CFB: variants seen among roughly 807,000 people sequenced by gnomAD.
CFB encodes the protein complement factor B, also known as B-factor, properdin.
A neutral mutation model predicts 97.2 loss-of-function variants in CFB; 59 were observed. The ratio of observed to expected loss-of-function variants is 0.61; its 90% CI spans 0.49 to 0.75. The LOEUF is 0.75. CFB is among the 30% of genes least tolerant of loss of function. The probability of loss-of-function intolerance (pLI) is 0.00; values close to 1 mark genes in which losing one functional copy is unlikely to be tolerated. For synonymous variants in CFB, 316 were observed against 351.7 expected (o/e 0.90, Z 1.14); for missense variants, 771 against 959.8 (o/e 0.80, Z 2.60).
At position 31,947,984 on chromosome 6, in the gene CFB, G is replaced by C; in HGVS notation, c.800G>C (p.Gly267Ala). ...CGGAAGATCGTCCTGGACCCTTCAG[G>C]CTCCATGAACATCTACCTGGTGCTA... ...QKRKIVLDPS[G>A]SMNIYLVLDG... is the part of the protein sequence containing the mutation. Residue 267 changes from glycine (G) to alanine (A), a missense_variant, in exon 6 of 18, where the codon GGC becomes GCC. Transcript: ENST00000425368. The surrounding 1 kb of genome is among the most constrained non-coding windows in gnomAD (Gnocchi z 5.3). 6.2e-7 allele frequency: 1 copy of C among 1,614,142 alleles called. No homozygotes were observed. Among genetic ancestry groups the C allele is most frequent in the Non-Finnish European group, 8.5e-7 (1 of 1,180,030 alleles).
Position 31,947,244 on chromosome 6 carries a change from C to A in CFB, c.484+52C>A. ...TGCTGTCTCCCTGACGGCGCCCAGC[C>A]CGAGGAGTGGGCACTCGGCTCCGGA... is the stretch of plus-strand genomic sequence containing the variant. On this transcript the variant is annotated intron_variant, in intron 3 of 17. Coordinates refer to ENST00000425368, the MANE Select transcript of CFB (RefSeq NM_001710.6). The surrounding 1 kb of genome is among the most constrained non-coding windows in gnomAD (Gnocchi z 5.3). The A allele has an allele frequency of 1.9e-6, 3 of 1,611,436 alleles. No homozygotes were observed. Among genetic ancestry groups the A allele is most frequent in the Non-Finnish European group, 1.7e-6 (2 of 1,179,636 alleles).
chr6:31,947,412 T>G lies in CFB; in HGVS notation c.549T>G (p.Leu183=). ...GGAAGGTGGGCAGCCAGTACCGCCT[T>G]GAAGACAGCGTCACCTACCACTGCA... The part of the protein sequence containing the change: ...GTRKVGSQYR[L]EDSVTYHCSR... The change falls in exon 4 of 18, where the codon CTT becomes CTG. Residue 183 remains leucine (L), a synonymous_variant. Coordinates refer to ENST00000425368, the MANE Select transcript of CFB (RefSeq NM_001710.6). This position sits in a 1 kb window ranked among gnomAD's most constrained non-coding sequence, Gnocchi z 5.3. The G allele has an allele frequency of 3.1e-6, 5 of 1,613,014 alleles. No homozygotes were observed. The highest frequency in any genetic ancestry group is 4.2e-6 in the Non-Finnish European group (5 of 1,180,018).
Position 31,947,304 on chromosome 6 carries a change from G to C in CFB, c.485-44G>C. ...TCTTGCTCTCTACCTTGCTCACGGGGCCTCAGGCTTCAGTGCTTACCTCGA... is the reference window on the plus strand; with the variant it reads ...TCTTGCTCTCTACCTTGCTCACGGGCCCTCAGGCTTCAGTGCTTACCTCGA... On this transcript the variant is annotated intron_variant, in intron 3 of 17. Coordinates refer to ENST00000425368, the MANE Select transcript of CFB (RefSeq NM_001710.6). The surrounding 1 kb of genome is among the most constrained non-coding windows in gnomAD (Gnocchi z 5.3). The C allele has an allele frequency of 6.2e-7, 1 of 1,612,356 alleles. No individual in the cohort carries two copies. The highest frequency in any genetic ancestry group is 8.5e-7 in the Non-Finnish European group (1 of 1,179,914).
Position 31,947,595 on chromosome 6 carries a change from T to C in CFB, c.658+74T>C. ...CTGTCTTCTCTCCCCACCTCAACCC[T>C]GCTCTTTCCTCACTTTGTTTAAACC... On this transcript the variant is annotated intron_variant, in intron 4 of 17. Coordinates refer to ENST00000425368, the MANE Select transcript of CFB (RefSeq NM_001710.6). The surrounding 1 kb of genome is among the most constrained non-coding windows in gnomAD (Gnocchi z 5.3). 2 of 1,599,768 alleles carry C rather than the reference T, an allele frequency of 1.3e-6. No individual in the cohort carries two copies. The highest frequency in any genetic ancestry group is 1.7e-6 in the Non-Finnish European group (2 of 1,168,340).
chr6:31,951,372 C>G lies in CFB; in HGVS notation c.1988C>G (p.Ala663Gly). 1 of 1,614,168 alleles carries G rather than the reference C, an allele frequency of 6.2e-7. No homozygotes were observed. Among genetic ancestry groups the G allele is most frequent in the Non-Finnish European group, 8.5e-7 (1 of 1,180,038 alleles). ...AGCTGTGAGAGAGATGCTCAATATGCCCCAGGCTATGACAAAGTCAAGGAC... is the reference window on the plus strand; with the variant it reads ...AGCTGTGAGAGAGATGCTCAATATGGCCCAGGCTATGACAAAGTCAAGGAC... ...KGSCERDAQY[A>G]PGYDKVKDIS... is the part of the protein sequence containing the mutation. The change falls in exon 16 of 18, where the codon GCC becomes GGC. Residue 663 changes from alanine (A) to glycine (G), a missense_variant. Ala to Gly is a moderately conservative substitution (Grantham distance 60, BLOSUM62 0). Coordinates refer to ENST00000425368, the MANE Select transcript of CFB (RefSeq NM_001710.6). This position sits in a 1 kb window ranked among gnomAD's most constrained non-coding sequence, Gnocchi z 4.3.
In CFB at chr6:31,950,913, G is replaced by T; in HGVS notation, c.1824G>T (p.Arg608Ser). 6.2e-7 allele frequency: 1 copy of T among 1,613,018 alleles called. No individual in the cohort carries two copies. Among genetic ancestry groups the T allele is most frequent in the South Asian group, 1.1e-5 (1 of 91,076 alleles). The change falls in exon 14 of 18, where the codon AGG (arginine) becomes AGT (serine). Residue 608 changes from arginine (R) to serine (S), a missense_variant. By Grantham distance (110) the Arg-to-Ser change is moderately radical. Transcript: ENST00000425368. Reference protein sequence around the residue: ...PCTEGTTRALRLPPTTTCQQQ... With the variant: ...PCTEGTTRALSLPPTTTCQQQ... ...CCGAGGGAACAACTCGAGCTTTGAG[G>T]CTTCCTCCAACTACCACTTGCCAGC... is the stretch of plus-strand genomic sequence containing the variant.
Position 31,946,421 on chromosome 6 carries a change from C to T in CFB, c.113C>T (p.Ser38Phe). 1 of 1,613,106 alleles carries T rather than the reference C, an allele frequency of 6.2e-7. No individual in the cohort carries two copies. Among genetic ancestry groups the T allele is most frequent in the Non-Finnish European group, 8.5e-7 (1 of 1,180,034 alleles). ...WSLARPQGSC[S>F]LEGVEIKGGS... ...TTGGCCCGGCCCCAGGGATCCTGCTCTCTGGAGGGGGTAGAGATCAAAGGC... is the reference window on the plus strand; with the variant it reads ...TTGGCCCGGCCCCAGGGATCCTGCTTTCTGGAGGGGGTAGAGATCAAAGGC... The change falls in exon 2 of 18, where the codon TCT becomes TTT. Residue 38 changes from serine to phenylalanine, a missense_variant. Coordinates refer to ENST00000425368, the MANE Select transcript of CFB (RefSeq NM_001710.6). This position sits in a 1 kb window ranked among gnomAD's most constrained non-coding sequence, Gnocchi z 6.4.
Position 31,947,259 on chromosome 6 carries a change from T to G in CFB, c.484+67T>G. ...GGCGCCCAGCCCGAGGAGTGGGCAC[T>G]CGGCTCCGGACACTGTAACTCTTGC... On this transcript the variant is annotated intron_variant, in intron 3 of 17. Coordinates refer to ENST00000425368, the MANE Select transcript of CFB (RefSeq NM_001710.6). The surrounding 1 kb of genome is among the most constrained non-coding windows in gnomAD (Gnocchi z 5.3). The G allele has an allele frequency of 6.2e-7, 1 of 1,610,770 alleles. No individual in the cohort carries two copies. Among genetic ancestry groups the G allele is most frequent in the East Asian group, 2.2e-5 (1 of 44,878 alleles).
chr6:31,949,584 C>A (rs1164445211), intron 10 of CFB, 27 bp downstream of exon 10: 1 of 1,612,142 alleles, frequency 6.2e-7, no homozygotes, highest in African/African-American at 1.3e-5. Flanking sequence ...GAATAAAGAA[C>A]ACAACTCTCC....
intron 7 of CFB, 129 bp from the exon 8 acceptor site, chr6:31,948,700 AG>A: frequency 6.5e-7 from 1 of 1,545,070 alleles, no homozygotes; most frequent in Non-Finnish European, 8.9e-7. Flanking sequence ...TTGTGGTCAA[AG>A]GGAAGTCCGT....
Position 31,951,536 on chromosome 6 carries a change from G to A in CFB, c.2090-19G>A, listed in dbSNP as rs1463397125. On this transcript the variant is annotated intron_variant, in intron 16 of 17. Transcript: ENST00000425368. The surrounding 1 kb of genome is among the most constrained non-coding windows in gnomAD (Gnocchi z 4.3). Reference sequence around the variant, plus strand: ...AGGCCCAACAGTCCTTTTCTCTACAGCTTCTCCTCTCCTTGCAGGTGATTC... The same window carrying A: ...AGGCCCAACAGTCCTTTTCTCTACAACTTCTCCTCTCCTTGCAGGTGATTC... 1 of 1,614,174 alleles carries A rather than the reference G, an allele frequency of 6.2e-7. No homozygotes were observed. The highest frequency in any genetic ancestry group is 8.5e-7 in the Non-Finnish European group (1 of 1,180,034).
In CFB at chr6:31,950,030, A is replaced by C; in HGVS notation, c.1409-20A>C. On this transcript the variant is annotated intron_variant, in intron 10 of 17. Transcript: ENST00000425368. Reference sequence around the variant, plus strand: ...GAATGAAGTGTTCCGAGTTTTCAGCACATTCTCCTTCTCTGCCAGATGAAA... The same window carrying C: ...GAATGAAGTGTTCCGAGTTTTCAGCCCATTCTCCTTCTCTGCCAGATGAAA... 6.2e-7 allele frequency: 1 copy of C among 1,612,032 alleles called. No homozygotes were observed. The highest frequency in any genetic ancestry group is 8.5e-7 in the Non-Finnish European group (1 of 1,179,116).
chr6:31,951,640 G>A lies in CFB; in HGVS notation c.2139+36G>A, dbSNP rs756754532. The A allele has an allele frequency of 1.9e-6, 3 of 1,613,962 alleles. No individual in the cohort carries two copies. Among genetic ancestry groups the A allele is most frequent in the Admixed American group, 1.7e-5 (1 of 60,030 alleles). On this transcript the variant is annotated intron_variant, in intron 17 of 17. Transcript: ENST00000425368. The surrounding 1 kb of genome is among the most constrained non-coding windows in gnomAD (Gnocchi z 4.3). The stretch of plus-strand genomic sequence containing the variant: ...CCTTTCCTATCTGGGGAGATGCCAA[G>A]TGGTCAGCATGGGCCCCAAAGCAGG...
Position 31,947,003 on chromosome 6 carries a change from A to G in CFB, c.299-4A>G. On this transcript the variant is annotated splice_polypyrimidine_tract_variant and splice_region_variant and intron_variant, in intron 2 of 17. Transcript: ENST00000425368. The surrounding 1 kb of genome is among the most constrained non-coding windows in gnomAD (Gnocchi z 5.3). ...TGACTTCTACTTGTCCCCCCTTCTC[A>G]AAGCAATCCACTGTCCAAGACCACA... 6.2e-7 allele frequency: 1 copy of G among 1,612,866 alleles called. No homozygotes were observed. Among genetic ancestry groups the G allele is most frequent in the Non-Finnish European group, 8.5e-7 (1 of 1,179,972 alleles).
At position 31,947,817 on chromosome 6, in the gene CFB, T is replaced by A. The variant is rs2151783130; in HGVS notation, c.734T>A (p.Val245Asp). The A allele has an allele frequency of 6.2e-7, 1 of 1,612,852 alleles. No homozygotes were observed. Among genetic ancestry groups the A allele is most frequent in the South Asian group, 1.1e-5 (1 of 91,046 alleles). The change falls in exon 5 of 18, where the codon GTC (valine) becomes GAC (aspartate). Residue 245 changes from valine (V) to aspartate (D), a missense_variant. Physicochemically the swap from Val to Asp is radical, Grantham distance 152 (BLOSUM62 -3). Coordinates refer to ENST00000425368, the MANE Select transcript of CFB (RefSeq NM_001710.6). The surrounding 1 kb of genome is among the most constrained non-coding windows in gnomAD (Gnocchi z 5.3). ...TCCCTGACAGAGACCATAGAAGGAG[T>A]CGATGCTGAGGATGGGCACGGCCCA... Reference protein sequence around the residue: ...LSSLTETIEGVDAEDGHGPGE... With the variant: ...LSSLTETIEGDDAEDGHGPGE...
chr6:31,949,722 C>T, intron 10 of CFB, 165 bp downstream of exon 10: 1 of 881,304 alleles, frequency 1.1e-6, no homozygotes, highest in South Asian at 1.5e-5. Flanking sequence ...TTCACTTAAC[C>T]TTAGAATCAC....
At position 31,951,118 on chromosome 6, in the gene CFB, T is replaced by A; in HGVS notation, c.1856-26T>A. On this transcript the variant is annotated intron_variant, in intron 14 of 17. Coordinates refer to ENST00000425368, the MANE Select transcript of CFB (RefSeq NM_001710.6). The surrounding 1 kb of genome is among the most constrained non-coding windows in gnomAD (Gnocchi z 4.3). Reference sequence around the variant, plus strand: ...GGGAGATGACAGTGGTGGGAGCAGCTGAAGTGACGCAGTCTATTCGTCCAG... The same window carrying A: ...GGGAGATGACAGTGGTGGGAGCAGCAGAAGTGACGCAGTCTATTCGTCCAG... 2.5e-6 allele frequency: 4 copies of A among 1,609,896 alleles called. No individual in the cohort carries two copies. The African/African-American group carries it at 4.0e-5, about 16-fold the overall frequency.
In CFB at chr6:31,951,378, G is replaced by C. The variant is rs750379394; in HGVS notation, c.1994G>C (p.Gly665Ala). Residue 665 changes from glycine to alanine, a missense_variant, in exon 16 of 18, where the codon GGC becomes GCC. By Grantham distance (60) the Gly-to-Ala change is moderately conservative. Transcript: ENST00000425368. This position sits in a 1 kb window ranked among gnomAD's most constrained non-coding sequence, Gnocchi z 4.3. Reference protein sequence around the residue: ...SCERDAQYAPGYDKVKDISEV... With the variant: ...SCERDAQYAPAYDKVKDISEV... ...GAGAGAGATGCTCAATATGCCCCAG[G>C]CTATGACAAAGTCAAGGACATCTCA... 4 of 1,614,038 alleles carry C rather than the reference G, an allele frequency of 2.5e-6. No individual in the cohort carries two copies. The African/African-American group carries it at 5.3e-5, about 22-fold the overall frequency.
rs774685103 is a variant in CFB, at chr6:31,950,863, T to C, written c.1779-5T>C. On this transcript the variant is annotated splice_polypyrimidine_tract_variant and splice_region_variant and intron_variant, in intron 13 of 17. Coordinates refer to ENST00000425368, the MANE Select transcript of CFB (RefSeq NM_001710.6). ...CTGGTTTGCTGTTCTCCTTGTCCTT[T>C]ATAGGCCCATTTGTCTCCCCTGCAC... 1 of 1,612,954 alleles carries C rather than the reference T, an allele frequency of 6.2e-7. No individual in the cohort carries two copies. The highest frequency in any genetic ancestry group is 8.5e-7 in the Non-Finnish European group (1 of 1,180,002).
Sources: gnomAD v4.1 joint callset for allele counts on GRCh38, gnomAD v4.1.1 for gene constraint, Gnocchi (gnomAD v3.1) non-coding constraint, MANE v1.5 for transcripts, NCBI Gene and HGNC (gene_info 2026-07-23, HGNC 2026-07-21) for gene names.